Variants in UBE2E2 observed in about 807,000 individuals in gnomAD.
UBE2E2 encodes the protein ubiquitin-conjugating enzyme E2 E2.
Under a neutral mutation model 24.7 loss-of-function variants are expected in UBE2E2, and 6 were observed. The ratio of observed to expected loss-of-function variants is 0.24; its 90% CI spans 0.13 to 0.48. UBE2E2 has a LOEUF of 0.48. UBE2E2 is among the 20% of genes least tolerant of loss of function. The probability of loss-of-function intolerance (pLI) is 0.99; values close to 1 mark genes in which losing one functional copy is unlikely to be tolerated. For missense variants in UBE2E2, 169 were observed against 245.0 expected, an observed-to-expected ratio of 0.69 and a Z score of 2.07; for synonymous variants, 104 against 83.6, an observed-to-expected ratio of 1.24 and a Z score of -1.33.
At chr3:23,505,045 A>G (rs1290013230) in intron 4 of UBE2E2, among the ~76,000 whole-genome samples, 2 of 150,246 alleles carry the variant, frequency 1.3e-5, no homozygotes, top group South Asian at 2.1e-4. Flanking sequence ...GGCTGGGACT[A>G]CAGGCACACA....
chr3:23,316,089 A>T (rs1006469765), intron 3 of UBE2E2, among the ~76,000 whole-genome samples: 1 of 152,086 alleles, frequency 6.6e-6, no homozygotes, highest in East Asian at 1.9e-4. Flanking sequence ...CCAGCGCAGC[A>T]CTGAGTCTTA....
chr3:23,207,643 G>C (rs1043189745), intron 1 of UBE2E2, among the ~76,000 whole-genome samples: 1 of 152,080 alleles, frequency 6.6e-6, no homozygotes, highest in African/African-American at 2.4e-5. Flanking sequence ...GATTGAATAG[G>C]GATTTGAAAG....
intron 3 of UBE2E2, among the ~76,000 whole-genome samples, chr3:23,282,111 C>G (rs1698503038): frequency 6.6e-6 from 1 of 152,210 alleles, no homozygotes; most frequent in Admixed American, 6.5e-5. Context: ...CGTCTTATTC[C>G]AAAGCCCAGC....
At chr3:23,229,107 C>G (rs1204613628) in intron 3 of UBE2E2, among the ~76,000 whole-genome samples, 1 of 152,152 alleles carries the variant, frequency 6.6e-6, no homozygotes, top group Non-Finnish European at 1.5e-5. Context: ...TCTTTAATCC[C>G]TGCATTTCAG....
intron 5 of UBE2E2, among the ~76,000 whole-genome samples, chr3:23,542,083 G>T (rs1018881127): frequency 9.9e-5 from 15 of 152,172 alleles, no homozygotes; most frequent in Non-Finnish European, 1.9e-4. Context: ...CTCTAGAAAA[G>T]AGTTCAGCTT....
intron 4 of UBE2E2, among the ~76,000 whole-genome samples, chr3:23,512,803 G>A (rs1329683807): frequency 6.6e-6 from 1 of 152,006 alleles, no homozygotes; most frequent in Non-Finnish European, 1.5e-5. Context: ...AAATTAGCCA[G>A]GCGTGGTGGC....
chr3:23,204,587 A>T (rs1696095600), intron 1 of UBE2E2: 2 of 656,582 alleles, frequency 3.0e-6, no homozygotes, highest in South Asian at 1.4e-4. Flanking sequence ...TTACTACGGC[A>T]ATTTGGATGC....
At chr3:23,260,501 T>C (rs1201483480) in intron 3 of UBE2E2, among the ~76,000 whole-genome samples, 1 of 152,194 alleles carries the variant, frequency 6.6e-6, no homozygotes, top group Non-Finnish European at 1.5e-5. Context: ...ATTGTCCCTA[T>C]AATCTAATTT....
chr3:23,368,132 A>G (rs971480295), intron 3 of UBE2E2, among the ~76,000 whole-genome samples: 1 of 152,172 alleles, frequency 6.6e-6, no homozygotes, highest in Admixed American at 6.5e-5. Flanking sequence ...GTATACATCA[A>G]TATTTTTTAA....
intron 5 of UBE2E2, among the ~76,000 whole-genome samples, chr3:23,576,420 TA>T (rs1172752433): frequency 6.6e-6 from 1 of 152,004 alleles, no homozygotes; most frequent in Non-Finnish European, 1.5e-5. Flanking sequence ...TAATTATGTT[TA>T]AAAAAACATA....
chr3:23,494,699 A>G (rs575936899), intron 3 of UBE2E2, among the ~76,000 whole-genome samples: 12 of 152,092 alleles, frequency 7.9e-5, no homozygotes, highest in African/African-American at 2.9e-4. Flanking sequence ...CCCAATTTTT[A>G]TATGAGGGAA....
rs1193736349 is a variant in UBE2E2 at position 23,258,780 on chromosome 3, C to T, written c.227+41468C>T. ...TGGTGGCGGGCGCCTGTAGTCCCAG[C>T]TACTCGGGAGGCTGAGGCAGGAGAA... On this transcript the variant is annotated intron_variant, in intron 3 of 5. Coordinates refer to ENST00000396703, the MANE Select transcript of UBE2E2 (RefSeq NM_152653.4). Among the ~76,000 whole-genome samples the T allele has an allele frequency of 2.6e-5, 4 of 151,434 alleles. No homozygotes were observed. In the East Asian group the frequency reaches 7.8e-4, roughly 30 times the overall value.
At chr3:23,384,197 G>C (rs1402514206) in intron 3 of UBE2E2, among the ~76,000 whole-genome samples, 4 of 152,002 alleles carry the variant, frequency 2.6e-5, no homozygotes, top group Non-Finnish European at 5.9e-5. Flanking sequence ...GGGTCTCACT[G>C]TGTCACCCAG....
intron 3 of UBE2E2, among the ~76,000 whole-genome samples, chr3:23,459,733 C>G (rs1036140199): frequency 6.6e-6 from 1 of 152,170 alleles, no homozygotes; most frequent in Non-Finnish European, 1.5e-5. Flanking sequence ...AGAAGGTCCA[C>G]CAGCTGGTGT....
intron 3 of UBE2E2, among the ~76,000 whole-genome samples, chr3:23,224,453 G>A (rs549273267): frequency 6.6e-6 from 1 of 151,148 alleles, no homozygotes; most frequent in Admixed American, 6.6e-5. Context: ...ATTTTTTTCA[G>A]GTTATTTGCT....
chr3:23,392,208 G>A (rs1324704495), intron 3 of UBE2E2, among the ~76,000 whole-genome samples: 1 of 152,132 alleles, frequency 6.6e-6, no homozygotes, highest in Non-Finnish European at 1.5e-5. Context: ...AGCTTTTATA[G>A]TATGGCCTAG....
At position 23,442,299 on chromosome 3, in the gene UBE2E2, T is replaced by A. The variant is rs527907693; in HGVS notation, c.228-57309T>A. Among the ~76,000 whole-genome samples the A allele has an allele frequency of 4.6e-4, 68 of 147,782 alleles. 2 individuals carry two copies. Among genetic ancestry groups the A allele is most frequent in the South Asian group, 2.6e-3 (12 of 4,658 alleles). The stretch of plus-strand genomic sequence containing the variant: ...GAGAATACCAAAACATTTCTAAATT[T>A]AAAAAAAAAAATGAATCCTGCTACT... On this transcript the variant is annotated intron_variant, in intron 3 of 5. Coordinates refer to ENST00000396703, the MANE Select transcript of UBE2E2 (RefSeq NM_152653.4).
intron 5 of UBE2E2, among the ~76,000 whole-genome samples, chr3:23,577,088 C>G (rs1348809713): frequency 1.3e-5 from 2 of 151,988 alleles, no homozygotes; most frequent in South Asian, 4.1e-4. Flanking sequence ...TCAGTGATCT[C>G]TGATGCTACT....
At chr3:23,499,262 G>A (rs1239768158) in intron 3 of UBE2E2, among the ~76,000 whole-genome samples, 1 of 152,126 alleles carries the variant, frequency 6.6e-6, no homozygotes, top group African/African-American at 2.4e-5. Flanking sequence ...ATTCCCCAGA[G>A]GTCCTTCTAA....
Sources: gnomAD v4.1 joint callset for allele counts (sites outside exome capture counted in the v4.1 genomes callset) on GRCh38, gnomAD v4.1.1 for gene constraint, MANE v1.5 for transcripts, NCBI Gene and HGNC (gene_info 2026-07-23, HGNC 2026-07-21) for gene names.